ABCA13: variants seen among roughly 807,000 people sequenced by gnomAD.
ABCA13 encodes the protein ATP-binding cassette sub-family A member 13.
ABCA13 carries 476 observed loss-of-function variants against 478.7 expected under a neutral mutation model. The observed-to-expected ratio is 0.99, with a 90% CI of 0.92 to 1.07. The LOEUF is 1.07. Ranked by LOEUF, ABCA13 falls within the 50% of genes least tolerant of loss-of-function variation. The probability of loss-of-function intolerance (pLI) is 0.00; values close to 1 mark genes in which losing one functional copy is unlikely to be tolerated. For missense variants in ABCA13, 6,060 were observed against 5,910.6 expected (o/e 1.03, Z -0.83); for synonymous variants, 2,252 against 2,158.9 (o/e 1.04, Z -1.20).
intron 42 of ABCA13, 43 bp from the exon 43 acceptor site, chr7:48,454,994 C>T: frequency 2.1e-6 from 3 of 1,459,758 alleles, no homozygotes; most frequent in Non-Finnish European, 2.7e-6. Context: ...CTGTCACCTC[C>T]GCAGAGCTGA....
intron 26 of ABCA13, among the ~76,000 whole-genome samples, chr7:48,315,558 C>G (rs1802458008): frequency 1.3e-5 from 2 of 151,858 alleles, no homozygotes; most frequent in South Asian, 2.1e-4. Flanking sequence ...CGGCTCACCA[C>G]AAGCTCCGCC....
intron 55 of ABCA13, among the ~76,000 whole-genome samples, chr7:48,545,856 TTA>T (rs1784772227): frequency 6.6e-6 from 1 of 151,588 alleles, no homozygotes. Flanking sequence ...GAAAATGAAA[TTA>T]TGTGAAATAT....
chr7:48,205,327 T>C (rs894791875), intron 3 of ABCA13, among the ~76,000 whole-genome samples: 1 of 151,596 alleles, frequency 6.6e-6, no homozygotes, highest in Admixed American at 6.6e-5. Flanking sequence ...GCATTTTTTT[T>C]CCATTTGGAT....
intron 55 of ABCA13, among the ~76,000 whole-genome samples, chr7:48,559,457 A>G (rs750916203): frequency 1.3e-5 from 2 of 152,018 alleles, no homozygotes; most frequent in Non-Finnish European, 2.9e-5. Flanking sequence ...TCCAGAAATA[A>G]TGTCCAAGAG....
chr7:48,627,972 A>G (rs1373392785), intron 59 of ABCA13, among the ~76,000 whole-genome samples: 1 of 152,132 alleles, frequency 6.6e-6, no homozygotes, highest in African/African-American at 2.4e-5. Flanking sequence ...CCATGACCCA[A>G]ACACTTCCCA....
chr7:48,497,672 A>T (rs1830391921), intron 48 of ABCA13, among the ~76,000 whole-genome samples: 2 of 152,122 alleles, frequency 1.3e-5, no homozygotes, highest in African/African-American at 4.8e-5. Flanking sequence ...TGTGCAGATG[A>T]GTGGGACCAG....
At chr7:48,203,793 G>A (rs1016097198) in intron 3 of ABCA13, among the ~76,000 whole-genome samples, 4 of 152,186 alleles carry the variant, frequency 2.6e-5, no homozygotes, top group African/African-American at 7.2e-5. Context: ...GAGGCGGATC[G>A]CCATACCCAT....
chr7:48,247,561 G>C (rs1007561568), intron 13 of ABCA13, among the ~76,000 whole-genome samples: 2 of 152,082 alleles, frequency 1.3e-5, no homozygotes, highest in East Asian at 1.9e-4. Flanking sequence ...GGGTTGACCA[G>C]TCTCCGTGGG....
In ABCA13 at chr7:48,287,995, A is replaced by C; in HGVS notation, c.8872A>C (p.Thr2958Pro). Residue 2958 changes from threonine (T) to proline (P), a missense_variant, in exon 20 of 62, where the codon ACT (threonine) becomes CCT (proline). This residue lies in a region of ABCA13 where 4,423 missense variants were observed against 4,309.1 expected (regional missense o/e 1.03). Coordinates refer to ENST00000435803, the MANE Select transcript of ABCA13 (RefSeq NM_152701.5). ...PSWTKDILCA[T>P]LSCKQNGIRH... ...CTGGACCAAGGACATTTTGTGTGCT[A>C]CTCTGAGTTGCAAGCAAAATGGGAT... 6.2e-7 allele frequency: 1 copy of C among 1,613,852 alleles called. No homozygotes were observed. The highest frequency in any genetic ancestry group is 8.5e-7 in the Non-Finnish European group (1 of 1,179,844).
intron 23 of ABCA13, among the ~76,000 whole-genome samples, chr7:48,303,416 T>C (rs1203090347): frequency 6.6e-6 from 1 of 152,196 alleles, no homozygotes. Context: ...TGCCCATTCC[T>C]ATGTCCAGAA....
intron 41 of ABCA13, among the ~76,000 whole-genome samples, chr7:48,426,901 C>G (rs1345443037): frequency 6.7e-6 from 1 of 149,044 alleles, no homozygotes; most frequent in Non-Finnish European, 1.5e-5. Context: ...TACAACGAGG[C>G]AGCCAACACT....
intron 38 of ABCA13, among the ~76,000 whole-genome samples, chr7:48,401,744 AACACACAC>A (rs55694821): frequency 1.4e-5 from 2 of 143,894 alleles, no homozygotes; most frequent in Non-Finnish European, 1.5e-5. Flanking sequence ...AGAATTTTAA[AACACACAC>A]ACACACACAC....
chr7:48,510,823 C>A (rs1831612541), intron 50 of ABCA13, among the ~76,000 whole-genome samples: 1 of 151,878 alleles, frequency 6.6e-6, no homozygotes, highest in Non-Finnish European at 1.5e-5. Context: ...CTTCATTTTA[C>A]CTTAATCACT....
At chr7:48,521,738 A>G (rs1239742346) in intron 53 of ABCA13, among the ~76,000 whole-genome samples, 1 of 152,190 alleles carries the variant, frequency 6.6e-6, no homozygotes, top group Non-Finnish European at 1.5e-5. Flanking sequence ...AGTTGTAAGT[A>G]TAAGTTGAAT....
chr7:48,556,463 G>T (rs1171535387), intron 55 of ABCA13, among the ~76,000 whole-genome samples: 1 of 151,834 alleles, frequency 6.6e-6, no homozygotes, highest in Non-Finnish European at 1.5e-5. Context: ...CATAATATTT[G>T]CTTTATATAT....
chr7:48,196,095 G>A (rs1797892471), intron 2 of ABCA13, among the ~76,000 whole-genome samples: 1 of 152,166 alleles, frequency 6.6e-6, no homozygotes, highest in African/African-American at 2.4e-5. Context: ...CAAAATGATA[G>A]TGGCTAATGC....
intron 35 of ABCA13, among the ~76,000 whole-genome samples, chr7:48,386,934 G>T (rs556103133): frequency 1.4e-4 from 21 of 152,304 alleles, no homozygotes; most frequent in Admixed American, 3.3e-4. Flanking sequence ...TATTGACAGA[G>T]TAAACAGACA....
intron 48 of ABCA13, among the ~76,000 whole-genome samples, chr7:48,501,873 TGA>T (rs1409090827): frequency 2.0e-5 from 3 of 152,170 alleles, no homozygotes; most frequent in Non-Finnish European, 4.4e-5. Flanking sequence ...GGTGATTTGA[TGA>T]GAGAGACACA....
chr7:48,359,327 T>C (rs1810454900), intron 31 of ABCA13, among the ~76,000 whole-genome samples: 1 of 151,906 alleles, frequency 6.6e-6, no homozygotes, highest in South Asian at 2.1e-4. Context: ...TCAGGAACAC[T>C]AGAGTCTTAA....
Sources: gnomAD v4.1 joint callset for allele counts (sites outside exome capture counted in the v4.1 genomes callset) on GRCh38, gnomAD v4.1.1 for gene constraint, gnomAD v4.1.1 regional missense constraint, MANE v1.5 for transcripts, NCBI Gene and HGNC (gene_info 2026-07-23, HGNC 2026-07-21) for gene names.